PIP5K1B: variants seen among roughly 807,000 people sequenced by gnomAD.
The protein encoded by PIP5K1B is phosphatidylinositol 4-phosphate 5-kinase type-1 beta.
A neutral mutation model predicts 67.0 loss-of-function variants in PIP5K1B; 42 were observed. That is an observed-to-expected ratio of 0.63 (90% confidence interval 0.49 to 0.81). The LOEUF (loss-of-function observed/expected upper bound fraction) is 0.81. Among genes scored for constraint, PIP5K1B ranks in the 30% least tolerant of loss-of-function variants. The probability of loss-of-function intolerance (pLI) is 0.00; values close to 1 mark genes in which losing one functional copy is unlikely to be tolerated. For missense variants in PIP5K1B, 459 were observed against 646.3 expected, an observed-to-expected ratio of 0.71 and a Z score of 3.14; for synonymous variants, 214 against 231.4, an observed-to-expected ratio of 0.92 and a Z score of 0.68.
chr9:69,000,126 G>GCC (rs1489227975), intron 15 of PIP5K1B, among the ~76,000 whole-genome samples: 1 of 152,056 alleles, frequency 6.6e-6, no homozygotes, highest in African/African-American at 2.4e-5. Context: ...GGCCAGTTCT[G>GCC]CTTGAGCCTT....
Position 68,705,551 on chromosome 9 carries a change from G to C in PIP5K1B, c.-454G>C, listed in dbSNP as rs1827078473. 1 of 150,820 alleles carries C rather than the reference G, an allele frequency of 6.6e-6. No homozygotes were observed. The highest frequency in any genetic ancestry group is 2.5e-5 in the African/African-American group (1 of 40,810). 9.3% of individuals were successfully genotyped at this position (150,820 alleles called of 1,614,324 possible). A position where few individuals can be genotyped will look rare whatever the true frequency, so the allele number is the denominator to read the frequency against. ...GCGTCCGGAGCGAGTTTGGCCCCGCGGCTCCAGCCCCGGCACCTGCCCGCC... is the reference window on the plus strand; with the variant it reads ...GCGTCCGGAGCGAGTTTGGCCCCGCCGCTCCAGCCCCGGCACCTGCCCGCC... On this transcript the variant is annotated 5_prime_UTR_variant, in exon 1 of 16. Transcript: ENST00000265382.
intron 15 of PIP5K1B, among the ~76,000 whole-genome samples, chr9:69,007,220 T>C (rs559601012): frequency 6.6e-6 from 1 of 152,348 alleles, no homozygotes; most frequent in Admixed American, 6.5e-5. Context: ...CAGAATTCCC[T>C]GTATGTGACA....
intron 2 of PIP5K1B, among the ~76,000 whole-genome samples, chr9:68,802,431 A>AATGGATGG (rs377615270): frequency 0.022 from 3,374 of 152,096 alleles, 65 homozygotes; most frequent in East Asian, 0.11. Context: ...ATGGATAGAA[A>AATGGATGG]ATGGATGGAT....
intron 6 of PIP5K1B, among the ~76,000 whole-genome samples, chr9:68,881,195 G>A (rs1824183644): frequency 6.6e-6 from 1 of 152,120 alleles, no homozygotes; most frequent in Non-Finnish European, 1.5e-5. Context: ...TTCCATATTT[G>A]ATGAGAATCA....
At chr9:68,932,645 T>G (rs1827057855) in intron 12 of PIP5K1B, among the ~76,000 whole-genome samples, 1 of 152,186 alleles carries the variant, frequency 6.6e-6, no homozygotes, top group African/African-American at 2.4e-5. Context: ...TCACAGGTCA[T>G]GTAACATCTA....
chr9:68,774,032 G>A (rs1454130862), intron 2 of PIP5K1B, among the ~76,000 whole-genome samples: 1 of 151,976 alleles, frequency 6.6e-6, no homozygotes, highest in Non-Finnish European at 1.5e-5. Context: ...AATTATTCTA[G>A]GAGGATACCA....
intron 1 of PIP5K1B, among the ~76,000 whole-genome samples, chr9:68,734,615 T>C (rs1323254324): frequency 6.6e-6 from 1 of 152,234 alleles, no homozygotes; most frequent in Non-Finnish European, 1.5e-5. Context: ...TCTAATGTGA[T>C]GACTGCTACC....
At chr9:68,790,655 C>T (rs1399441949) in intron 2 of PIP5K1B, among the ~76,000 whole-genome samples, 2 of 152,138 alleles carry the variant, frequency 1.3e-5, no homozygotes, top group Non-Finnish European at 2.9e-5. Context: ...CCTTTTTCTG[C>T]GTTCCTGGAG....
intron 15 of PIP5K1B, among the ~76,000 whole-genome samples, chr9:69,006,729 G>A (rs1346102112): frequency 2.6e-5 from 4 of 152,078 alleles, no homozygotes; most frequent in Non-Finnish European, 5.9e-5. Context: ...TCAGAGTCTG[G>A]CACTGGAAAT....
At position 68,760,345 on chromosome 9, in the gene PIP5K1B, A is replaced by C. The variant is rs193205158; in HGVS notation, c.-86+17688A>C. On this transcript the variant is annotated intron_variant, in intron 2 of 15. Coordinates refer to ENST00000265382, the MANE Select transcript of PIP5K1B (RefSeq NM_003558.4). ...TTAACCATACATTCCAACCTGAAGC[A>C]AACAGAAGTCCTCAGTGAAAAAAAC... Among the ~76,000 whole-genome samples, 15 of 152,252 alleles carry C rather than the reference A, an allele frequency of 9.9e-5. No homozygotes were observed. The East Asian group carries it at 2.9e-3, about 29-fold the overall frequency.
At chr9:68,875,192 G>A (rs1823819294) in intron 5 of PIP5K1B, among the ~76,000 whole-genome samples, 1 of 146,674 alleles carries the variant, frequency 6.8e-6, no homozygotes. Context: ...CTAGTGTGTA[G>A]CCGGGCTGCT....
chr9:68,861,032 A>G (rs1033350534), intron 4 of PIP5K1B, among the ~76,000 whole-genome samples: 1 of 152,250 alleles, frequency 6.6e-6, no homozygotes, highest in South Asian at 2.1e-4. Context: ...AGTATGTGCT[A>G]TGATTATGAT....
intron 14 of PIP5K1B, among the ~76,000 whole-genome samples, chr9:68,956,744 C>T (rs1828416602): frequency 6.6e-6 from 1 of 152,202 alleles, no homozygotes; most frequent in African/African-American, 2.4e-5. Context: ...AGCCAAGTAA[C>T]AGGTAAGTAT....
At chr9:68,892,358 T>C (rs1824835909) in intron 7 of PIP5K1B, among the ~76,000 whole-genome samples, 1 of 152,232 alleles carries the variant, frequency 6.6e-6, no homozygotes, top group African/African-American at 2.4e-5. Context: ...AGGCCTGCTA[T>C]AGCATATACA....
chr9:68,788,792 T>C, intron 2 of PIP5K1B: 1 of 255,786 alleles, frequency 3.9e-6, no homozygotes, highest in East Asian at 1.1e-4. Flanking sequence ...CCACCATTAT[T>C]CCAAAGCATA....
intron 4 of PIP5K1B, among the ~76,000 whole-genome samples, chr9:68,851,213 A>G (rs182198802): frequency 9.8e-5 from 15 of 152,310 alleles, no homozygotes; most frequent in African/African-American, 2.6e-4. Context: ...TGCCTCTCCT[A>G]TTAAATGTTG....
intron 4 of PIP5K1B, among the ~76,000 whole-genome samples, chr9:68,841,332 C>T (rs1821908459): frequency 6.6e-6 from 1 of 152,128 alleles, no homozygotes; most frequent in East Asian, 1.9e-4. Flanking sequence ...CGATGTGGCC[C>T]CCTTCATTTC....
chr9:68,894,009 C>T (rs1295150349), intron 7 of PIP5K1B, among the ~76,000 whole-genome samples: 1 of 151,298 alleles, frequency 6.6e-6, no homozygotes, highest in East Asian at 1.9e-4. Flanking sequence ...TCCCTCATAC[C>T]TTGGCAATTC....
chr9:68,922,454 C>A (rs1826451731), intron 11 of PIP5K1B, among the ~76,000 whole-genome samples: 3 of 7,112 alleles, frequency 4.2e-4, no homozygotes, highest in African/African-American at 7.7e-4. Flanking sequence ...GAGCAAGACT[C>A]TGTCTCAAAA....
Sources: gnomAD v4.1 joint callset for allele counts (sites outside exome capture counted in the v4.1 genomes callset) on GRCh38, gnomAD v4.1.1 for gene constraint, MANE v1.5 for transcripts, NCBI Gene and HGNC (gene_info 2026-07-23, HGNC 2026-07-21) for gene names.